RUNX1: variants seen among roughly 807,000 people sequenced by gnomAD.
The protein encoded by RUNX1 is RUNX family transcription factor 1.
A neutral mutation model predicts 42.8 loss-of-function variants in RUNX1; 19 were observed. The observed-to-expected ratio is 0.44, with a 90% confidence interval of 0.31 to 0.65. The LOEUF (loss-of-function observed/expected upper bound fraction) is 0.65, where lower values mean the gene tolerates loss of function less well. Among genes scored for constraint, RUNX1 ranks in the 30% least tolerant of loss-of-function variants. The pLI is 0.07. For synonymous variants in RUNX1, 271 were observed against 289.4 expected, an observed-to-expected ratio of 0.94 and a Z score of 0.64; for missense variants, 528 against 672.0, an observed-to-expected ratio of 0.79 and a Z score of 2.37.
chr21:34,930,291 T>TATATATATATATATATATAA (rs1569110394), intron 2 of RUNX1, among the ~76,000 whole-genome samples: 1 of 138,816 alleles, frequency 7.2e-6, no homozygotes, highest in African/African-American at 2.9e-5. Flanking sequence ...TATATATATA[T>TATATATATATATATATATAA]AAATAAATAA....
rs2145863422 is a variant in RUNX1, at chr21:34,790,124, C to T, written c.*2011G>A. On this transcript the variant is annotated 3_prime_UTR_variant, in exon 9 of 9. Transcript: ENST00000675419. ...AATATATTCTGAGTTTGTCCGAGAT[C>T]TGCTATAGCTCTTCTCTAGATAAGA... 1 of 233,158 alleles carries T rather than the reference C, an allele frequency of 4.3e-6. No homozygotes were observed. Among genetic ancestry groups the T allele is most frequent in the East Asian group, 6.1e-5 (1 of 16,478 alleles). The allele number at this position is 233,158 out of a possible 1,614,324, so 14.4% of individuals were successfully genotyped here. A position where few individuals can be genotyped will look rare whatever the true frequency, so the allele number is the denominator to read the frequency against.
intron 2 of RUNX1, among the ~76,000 whole-genome samples, chr21:34,920,251 T>C (rs1441348940): frequency 6.6e-6 from 1 of 152,232 alleles, no homozygotes; most frequent in Non-Finnish European, 1.5e-5. Flanking sequence ...TTTCTTTCAC[T>C]ATTTTCTTAT....
intron 7 of RUNX1, among the ~76,000 whole-genome samples, chr21:34,827,279 T>C (rs1319565636): frequency 6.6e-6 from 1 of 152,178 alleles, no homozygotes; most frequent in Admixed American, 6.5e-5. Flanking sequence ...AGCAAAGCAT[T>C]GAGGCTGCTG....
chr21:34,975,506 T>C (rs574397077), intron 2 of RUNX1, among the ~76,000 whole-genome samples: 34 of 152,320 alleles, frequency 2.2e-4, no homozygotes, highest in South Asian at 6.2e-4. Flanking sequence ...TATATGCAAA[T>C]ACTACACCAT....
Position 34,787,988 on chromosome 21 carries a change from G to A in RUNX1, c.*4147C>T, listed in dbSNP as rs886057029. On this transcript the variant is annotated 3_prime_UTR_variant, in exon 9 of 9. Coordinates refer to ENST00000675419, the MANE Select transcript of RUNX1 (RefSeq NM_001754.5). ...GAGAGGGGAGGCGGCCCACCCGACT[G>A]TGTACCGTGGACTGTGGACAGTGCA... is the stretch of plus-strand genomic sequence containing the variant. 3 of 233,414 alleles carry A rather than the reference G, an allele frequency of 1.3e-5. No individual in the cohort carries two copies. The highest frequency in any genetic ancestry group is 1.2e-4 in the East Asian group (2 of 16,590). 14.5% of individuals were successfully genotyped at this position (233,414 alleles called of 1,614,324 possible). A position where few individuals can be genotyped will look rare whatever the true frequency, so the allele number is the denominator to read the frequency against.
intron 3 of RUNX1, chr21:34,889,838 C>G: frequency 9.0e-7 from 1 of 1,110,242 alleles, no homozygotes; most frequent in Non-Finnish European, 1.1e-6. Flanking sequence ...CTCCCGTCAC[C>G]ATGAGTCCCT....
At chr21:34,888,946 C>T (rs1352709400) in intron 3 of RUNX1, among the ~76,000 whole-genome samples, 2 of 151,450 alleles carry the variant, frequency 1.3e-5, no homozygotes, top group Admixed American at 1.3e-4. Context: ...TGCATGCTGG[C>T]CCGGGGCCCC....
At chr21:34,883,762 C>T (rs973063507) in intron 4 of RUNX1, among the ~76,000 whole-genome samples, 9 of 152,260 alleles carry the variant, frequency 5.9e-5, no homozygotes, top group Non-Finnish European at 1.3e-4. Context: ...AGCCTGTTCA[C>T]GGTCCAAACT....
At chr21:34,912,161 G>T (rs2058277437) in intron 2 of RUNX1, among the ~76,000 whole-genome samples, 1 of 150,410 alleles carries the variant, frequency 6.6e-6, no homozygotes, top group Admixed American at 6.7e-5. Context: ...AAGAATGAAT[G>T]AATCAATCGA....
chr21:34,813,346 A>C (rs2056782310), intron 7 of RUNX1, among the ~76,000 whole-genome samples: 1 of 152,190 alleles, frequency 6.6e-6, no homozygotes, highest in Non-Finnish European at 1.5e-5. Context: ...TACCATGATG[A>C]CAAGACGGAA....
Position 34,901,382 on chromosome 21 carries a change from G to A in RUNX1, c.59-8419C>T, listed in dbSNP as rs1285289312. On this transcript the variant is annotated intron_variant, in intron 2 of 8. Transcript: ENST00000675419. The surrounding 1 kb of genome is among the most constrained non-coding windows in gnomAD (Gnocchi z 4.3). ...AAAAGTAGCTGGGCGTGGTGGCGGCGCGTGCCTGTAGTCCCAGCTACTCGA... is the reference window on the plus strand; with the variant it reads ...AAAAGTAGCTGGGCGTGGTGGCGGCACGTGCCTGTAGTCCCAGCTACTCGA... Among the ~76,000 whole-genome samples the A allele has an allele frequency of 1.3e-5, 2 of 152,050 alleles. No homozygotes were observed. The highest frequency in any genetic ancestry group is 2.9e-5 in the Non-Finnish European group (2 of 68,012).
chr21:34,994,783 T>C (rs58709766), intron 2 of RUNX1, among the ~76,000 whole-genome samples: 66,967 of 151,772 alleles, frequency 0.44, 16,147 homozygotes, highest in African/African-American at 0.65. Context: ...ATGCAGACTT[T>C]TGTGGTTGTA....
At chr21:34,875,189 G>C (rs1168440845) in intron 5 of RUNX1, among the ~76,000 whole-genome samples, 1 of 152,248 alleles carries the variant, frequency 6.6e-6, no homozygotes, top group African/African-American at 2.4e-5. Context: ...TTTTCCTGCT[G>C]GTCCTTGCCA....
chr21:35,008,350 CT>C (rs1045440938), intron 2 of RUNX1, among the ~76,000 whole-genome samples: 2 of 152,206 alleles, frequency 1.3e-5, no homozygotes, highest in African/African-American at 4.8e-5. Flanking sequence ...TCTTCACATT[CT>C]GATCCTCCCT....
At chr21:34,838,771 A>G (rs1388795082) in intron 6 of RUNX1, among the ~76,000 whole-genome samples, 5 of 152,186 alleles carry the variant, frequency 3.3e-5, no homozygotes, top group African/African-American at 1.2e-4. Context: ...TCAAAGTGAC[A>G]GTACTGAATG....
At chr21:34,920,742 A>T (rs2058347508) in intron 2 of RUNX1, among the ~76,000 whole-genome samples, 1 of 151,928 alleles carries the variant, frequency 6.6e-6, no homozygotes, top group Non-Finnish European at 1.5e-5. Context: ...CTCACTAAGA[A>T]AGTCCTTTTG....
intron 7 of RUNX1, among the ~76,000 whole-genome samples, chr21:34,815,461 T>TG (rs2145973188): frequency 6.6e-6 from 1 of 152,150 alleles, no homozygotes; most frequent in East Asian, 1.9e-4. Flanking sequence ...GGGCTGGGGT[T>TG]GGGGGTCCTG....
intron 2 of RUNX1, among the ~76,000 whole-genome samples, chr21:34,950,534 T>C (rs1601601586): frequency 6.6e-6 from 1 of 150,874 alleles, no homozygotes; most frequent in Non-Finnish European, 1.5e-5. Flanking sequence ...AGGTCAGGAG[T>C]TCAAGACCAG....
intron 2 of RUNX1, among the ~76,000 whole-genome samples, chr21:35,010,855 C>G (rs1308278613): frequency 6.6e-6 from 1 of 152,218 alleles, no homozygotes; most frequent in Non-Finnish European, 1.5e-5. Flanking sequence ...TTAGAATCAT[C>G]TGAAACATCA....
Sources: allele counts gnomAD v4.1 joint callset (sites outside exome capture counted in the v4.1 genomes callset), GRCh38; gene constraint gnomAD v4.1.1; non-coding constraint Gnocchi (gnomAD v3.1); transcripts MANE v1.5; gene names NCBI Gene and HGNC (gene_info 2026-07-23, HGNC 2026-07-21).